The following CNTNAP2 variants were observed in gnomAD, a reference collection of about 807,000 sequenced individuals.
CNTNAP2 encodes the protein contactin-associated protein-like 2.
A neutral mutation model predicts 155.2 loss-of-function variants in CNTNAP2; 98 were observed. The observed-to-expected ratio is 0.63, with a 90% CI of 0.54 to 0.75. The LOEUF is 0.75. CNTNAP2 is among the 30% of genes least tolerant of loss of function. CNTNAP2 has a pLI of 0.00. For missense variants in CNTNAP2, 1,727 were observed against 1,688.1 expected, an observed-to-expected ratio of 1.02 and a Z score of -0.40; for synonymous variants, 651 against 631.2, an observed-to-expected ratio of 1.03 and a Z score of -0.47.
At chr7:146,765,494 T>C (rs927348395) in intron 1 of CNTNAP2, among the ~76,000 whole-genome samples, 1 of 152,238 alleles carries the variant, frequency 6.6e-6, no homozygotes, top group African/African-American at 2.4e-5. Flanking sequence ...GATGGATTTA[T>C]TTCTTATCAT....
intron 1 of CNTNAP2, among the ~76,000 whole-genome samples, chr7:146,684,639 C>CAAAAAAAAAA (rs3080477): frequency 0.024 from 1,537 of 63,320 alleles, 283 homozygotes; most frequent in Middle Eastern, 0.06. Context: ...AGATCCAGCG[C>CAAAAAAAAAA]AAAAAAAAAA....
At chr7:146,721,824 A>ACTATATATAGTCTATATATATATT (rs1801334396) in intron 1 of CNTNAP2, among the ~76,000 whole-genome samples, 2 of 106,748 alleles carry the variant, frequency 1.9e-5, no homozygotes, top group Non-Finnish European at 3.5e-5. Context: ...ATATATGTAG[A>ACTATATATAGTCTATATATATATT]CTATATATAG....
intron 9 of CNTNAP2, among the ~76,000 whole-genome samples, chr7:147,341,432 T>G (rs1335343731): frequency 1.9e-5 from 1 of 53,686 alleles, no homozygotes; most frequent in Non-Finnish European, 3.2e-5. Context: ...GAAATTAAAG[T>G]ATAAAAAAAA....
chr7:148,074,636 C>T (rs1021517518), intron 15 of CNTNAP2, among the ~76,000 whole-genome samples: 36 of 151,168 alleles, frequency 2.4e-4, no homozygotes, highest in African/African-American at 7.8e-4. Context: ...TGCAGTGAGC[C>T]GAGATTGCGC....
At chr7:147,144,729 G>C (rs1033664083) in intron 8 of CNTNAP2, among the ~76,000 whole-genome samples, 7 of 152,148 alleles carry the variant, frequency 4.6e-5, no homozygotes, top group African/African-American at 1.7e-4. Flanking sequence ...TTGTTTTACT[G>C]CCCATAGCAG....
At chr7:147,592,517 ATTC>A (rs1800756349) in intron 12 of CNTNAP2, among the ~76,000 whole-genome samples, 1 of 146,804 alleles carries the variant, frequency 6.8e-6, no homozygotes, top group Non-Finnish European at 1.5e-5. Context: ...TACACAATTT[ATTC>A]TTTTTTTATA....
chr7:146,777,909 T>C (rs1172767159), intron 2 of CNTNAP2, among the ~76,000 whole-genome samples: 2 of 152,132 alleles, frequency 1.3e-5, no homozygotes, highest in Non-Finnish European at 2.9e-5. Flanking sequence ...AGAGATTTTT[T>C]TTTTTAAGTA....
At chr7:147,149,694 A>T (rs1801786474) in intron 8 of CNTNAP2, among the ~76,000 whole-genome samples, 1 of 152,128 alleles carries the variant, frequency 6.6e-6, no homozygotes, top group South Asian at 2.1e-4. Context: ...TACTGTGTGG[A>T]TAGTGGATAG....
At chr7:146,347,105 GC>G (rs1794830243) in intron 1 of CNTNAP2, among the ~76,000 whole-genome samples, 2 of 129,736 alleles carry the variant, frequency 1.5e-5, no homozygotes, top group South Asian at 5.1e-4. Flanking sequence ...TCAATGGAAA[GC>G]CAGGATAGTG....
intron 21 of CNTNAP2, among the ~76,000 whole-genome samples, chr7:148,306,626 C>CT: frequency 6.6e-6 from 1 of 151,938 alleles, no homozygotes; most frequent in Admixed American, 6.6e-5. Context: ...TTGAATGTTC[C>CT]TTTTTTTAAA....
chr7:146,646,466 T>G (rs192232501), intron 1 of CNTNAP2, among the ~76,000 whole-genome samples: 255 of 152,284 alleles, frequency 1.7e-3, no homozygotes, highest in Non-Finnish European at 2.4e-3. Flanking sequence ...GTAACAGTAA[T>G]GTATAACATA....
At chr7:146,398,435 C>A (rs1036560866) in intron 1 of CNTNAP2, among the ~76,000 whole-genome samples, 1 of 151,938 alleles carries the variant, frequency 6.6e-6, no homozygotes, top group Non-Finnish European at 1.5e-5. Flanking sequence ...TACTATCATG[C>A]GAATAGCGTG....
At chr7:147,277,330 G>T (rs1350719226) in intron 8 of CNTNAP2, among the ~76,000 whole-genome samples, 1 of 151,902 alleles carries the variant, frequency 6.6e-6, no homozygotes, top group African/African-American at 2.4e-5. Flanking sequence ...ATGAGCCTTT[G>T]ATGAATGTTT....
chr7:146,559,510 A>T (rs1287467857), intron 1 of CNTNAP2, among the ~76,000 whole-genome samples: 4 of 151,988 alleles, frequency 2.6e-5, no homozygotes, highest in Non-Finnish European at 5.9e-5. Context: ...CGGAGGATGC[A>T]GGGAGCCGAG....
chr7:147,541,087 T>A (rs1584800597), intron 11 of CNTNAP2, among the ~76,000 whole-genome samples: 1 of 152,230 alleles, frequency 6.6e-6, no homozygotes, highest in East Asian at 1.9e-4. Context: ...ATGTTTAACA[T>A]CTACTTCTTT....
intron 1 of CNTNAP2, among the ~76,000 whole-genome samples, chr7:146,609,052 C>T (rs1799092764): frequency 6.6e-6 from 1 of 152,106 alleles, no homozygotes; most frequent in Non-Finnish European, 1.5e-5. Context: ...CTTGGAGACA[C>T]TCAAGGATTA....
intron 1 of CNTNAP2, among the ~76,000 whole-genome samples, chr7:146,145,334 G>T (rs1273111396): frequency 1.3e-5 from 2 of 152,110 alleles, no homozygotes; most frequent in Non-Finnish European, 2.9e-5. Flanking sequence ...ATGGCACCTG[G>T]CCTCTCTTAC....
chr7:146,859,571 C>T (rs1039044510), intron 3 of CNTNAP2, among the ~76,000 whole-genome samples: 5 of 151,942 alleles, frequency 3.3e-5, no homozygotes, highest in African/African-American at 9.7e-5. Context: ...CCTGGAGAAT[C>T]GCTTGAACGC....
intron 9 of CNTNAP2, among the ~76,000 whole-genome samples, chr7:147,314,953 C>T: frequency 6.6e-6 from 1 of 150,812 alleles, no homozygotes; most frequent in East Asian, 1.9e-4. Context: ...TATGTAAAAG[C>T]TTAGAAGAAA....
Sources: allele counts gnomAD v4.1 joint callset (sites outside exome capture counted in the v4.1 genomes callset), GRCh38; gene constraint gnomAD v4.1.1; transcripts MANE v1.5; gene names NCBI Gene and HGNC (gene_info 2026-07-23, HGNC 2026-07-21).